The following SPATA13 variants were observed in gnomAD, a reference collection of about 807,000 sequenced individuals.
SPATA13 encodes spermatogenesis-associated protein 13.
A neutral mutation model predicts 104.0 loss-of-function variants in SPATA13; 50 were observed. The observed-to-expected ratio is 0.48, with a 90% CI of 0.38 to 0.61. The LOEUF is 0.61. Ranked by LOEUF, SPATA13 falls within the 20% of genes least tolerant of loss-of-function variation. The pLI, the probability that SPATA13 is intolerant of heterozygous loss-of-function variation, is 0.00. For missense variants in SPATA13, 1,524 were observed against 1,690.6 expected, an observed-to-expected ratio of 0.90 and a Z score of 1.73; for synonymous variants, 606 against 667.5, an observed-to-expected ratio of 0.91 and a Z score of 1.42.
At chr13:24,097,056 C>T (rs1220092366) in intron 3 of SPATA13, among the ~76,000 whole-genome samples, 2 of 152,178 alleles carry the variant, frequency 1.3e-5, no homozygotes, top group Non-Finnish European at 2.9e-5. Context: ...GGAGAAACAG[C>T]GTTGGCCCCG....
chr13:24,303,423 T>TACACA lies in SPATA13; in HGVS notation c.*650_*651insACACA. 4.9e-6 allele frequency: 1 copy of TACACA among 203,584 alleles called. No homozygotes were observed. Among genetic ancestry groups the TACACA allele is most frequent in the Admixed American group, 5.8e-5 (1 of 17,162 alleles). The allele number at this position is 203,584 out of a possible 1,614,324, so 12.6% of individuals were successfully genotyped here. A position where few individuals can be genotyped will look rare whatever the true frequency, so the allele number is the denominator to read the frequency against. On this transcript the variant is annotated 3_prime_UTR_variant, in exon 13 of 13. Transcript: ENST00000382108. Reference sequence around the variant, plus strand: ...AAAGTGGAGAGAAAGAAGATGCATCTGTCACCTTCATCAGGGTCCTCAGTG... The same window carrying TACACA: ...AAAGTGGAGAGAAAGAAGATGCATCTACACAGTCACCTTCATCAGGGTCCTCAGTG...
chr13:24,272,600 C>T (rs1010592795), intron 4 of SPATA13: 1 of 152,198 alleles, frequency 6.6e-6, no homozygotes, highest in Non-Finnish European at 1.5e-5. Flanking sequence ...CAGGAGGACG[C>T]CATGTCAGGG....
chr13:24,129,569 C>G (rs1881330848), intron 3 of SPATA13, among the ~76,000 whole-genome samples: 1 of 152,290 alleles, frequency 6.6e-6, no homozygotes, highest in Non-Finnish European at 1.5e-5. Flanking sequence ...TTGGCTGAAT[C>G]ACCTGGCTGG....
At chr13:24,294,157 A>T (rs773072298) in intron 9 of SPATA13, among the ~76,000 whole-genome samples, 6 of 152,116 alleles carry the variant, frequency 3.9e-5, no homozygotes, top group Non-Finnish European at 8.8e-5. Flanking sequence ...TCCTGGGGAG[A>T]ACATTTTAGC....
At chr13:24,185,724 GT>G (rs34688488) in intron 1 of SPATA13, among the ~76,000 whole-genome samples, 49 of 148,564 alleles carry the variant, frequency 3.3e-4, no homozygotes, top group East Asian at 9.9e-4. Context: ...AATAGATGCA[GT>G]TTTTTTTTTT....
intron 3 of SPATA13, among the ~76,000 whole-genome samples, chr13:24,100,333 A>G (rs1312815564): frequency 2.0e-5 from 3 of 152,170 alleles, no homozygotes; most frequent in Non-Finnish European, 4.4e-5. Context: ...CTAGAGGAGG[A>G]GGAAATACTT....
At chr13:24,186,643 A>G (rs984383572) in intron 1 of SPATA13, among the ~76,000 whole-genome samples, 7 of 152,186 alleles carry the variant, frequency 4.6e-5, no homozygotes, top group African/African-American at 1.7e-4. Flanking sequence ...GAGTTTCTTA[A>G]CCTTCAGTGT....
At chr13:24,278,380 G>C (rs542452837) in intron 4 of SPATA13, among the ~76,000 whole-genome samples, 1 of 152,216 alleles carries the variant, frequency 6.6e-6, no homozygotes, top group Non-Finnish European at 1.5e-5. Flanking sequence ...CATCTCCACA[G>C]CTTAAATCAG....
chr13:24,293,233 A>G (rs555523891), intron 9 of SPATA13, among the ~76,000 whole-genome samples: 7 of 151,764 alleles, frequency 4.6e-5, no homozygotes, highest in African/African-American at 1.7e-4. Context: ...TTCAGTGGAA[A>G]AAAAAAAACA....
Position 24,306,860 on chromosome 13 carries a change from G to A in SPATA13, c.*4087G>A, listed in dbSNP as rs1478356563. On this transcript the variant is annotated 3_prime_UTR_variant, in exon 13 of 13. Transcript: ENST00000382108. The stretch of plus-strand genomic sequence containing the variant: ...TAGCTCATTAACTTCAAGATGATGT[G>A]TCATCTGTATAGGTCAAAGAATGGG... 1.3e-5 allele frequency: 2 copies of A among 152,168 alleles called. No individual in the cohort carries two copies. Among genetic ancestry groups the A allele is most frequent in the South Asian group, 4.1e-4 (2 of 4,830 alleles). The allele number at this position is 152,168 out of a possible 1,614,324, so 9.4% of individuals were successfully genotyped here.
intron 11 of SPATA13, 73 bp downstream of exon 11, chr13:24,297,808 G>T: frequency 6.6e-7 from 1 of 1,509,916 alleles, no homozygotes; most frequent in Non-Finnish European, 8.9e-7. Context: ...ACTCCCATGG[G>T]CCTGCTCTGC....
intron 2 of SPATA13, among the ~76,000 whole-genome samples, chr13:23,984,175 T>C (rs1875041277): frequency 6.6e-6 from 1 of 152,230 alleles, no homozygotes; most frequent in Admixed American, 6.5e-5. Context: ...GTGGTCAGTA[T>C]CTTGCCCTTG....
intron 4 of SPATA13, among the ~76,000 whole-genome samples, chr13:24,275,170 G>A (rs972554401): frequency 2.0e-5 from 3 of 152,100 alleles, no homozygotes; most frequent in African/African-American, 7.2e-5. Context: ...AAGTGGCCAG[G>A]GCTGAAAATG....
At chr13:24,045,798 G>T (rs938038539) in intron 3 of SPATA13, among the ~76,000 whole-genome samples, 1 of 152,196 alleles carries the variant, frequency 6.6e-6, no homozygotes, top group African/African-American at 2.4e-5. Flanking sequence ...CCAACTGCAG[G>T]CTCTCGGCCT....
chr13:24,294,428 T>A (rs1397179545), intron 9 of SPATA13, among the ~76,000 whole-genome samples: 1 of 152,264 alleles, frequency 6.6e-6, no homozygotes, highest in East Asian at 1.9e-4. Context: ...TTAATGAAAG[T>A]CACCCATTGT....
At chr13:24,261,514 A>T (rs1874062379) in intron 4 of SPATA13, among the ~76,000 whole-genome samples, 1 of 152,170 alleles carries the variant, frequency 6.6e-6, no homozygotes, top group Non-Finnish European at 1.5e-5. Flanking sequence ...AAACTCTAGG[A>T]AGGAGTGTGA....
rs949035304 is a variant in SPATA13 at position 24,305,369 on chromosome 13, T to C, written c.*2596T>C. On this transcript the variant is annotated 3_prime_UTR_variant, in exon 13 of 13. Transcript: ENST00000382108. ...GGGTCACTCCATTAAAGATCTCTCC[T>C]GGGTGGATCCTACTTGGATGTTCAG... 2 of 152,354 alleles carry C rather than the reference T, an allele frequency of 1.3e-5. No homozygotes were observed. The highest frequency in any genetic ancestry group is 6.5e-5 in the Admixed American group (1 of 15,296). The allele number at this position is 152,354 out of a possible 1,614,324, so 9.4% of individuals were successfully genotyped here.
At chr13:24,228,200 A>G (rs1263396254) in intron 2 of SPATA13, among the ~76,000 whole-genome samples, 2 of 130,272 alleles carry the variant, frequency 1.5e-5, no homozygotes, top group East Asian at 2.2e-4. Context: ...TGCAAGCTCC[A>G]CCTCCCGGGT....
chr13:24,074,825 C>T (rs143916712), intron 3 of SPATA13, among the ~76,000 whole-genome samples: 2,649 of 152,220 alleles, frequency 0.017, 37 homozygotes, highest in South Asian at 0.026. Flanking sequence ...CATGCTGCCA[C>T]GTGGTCAGAG....
Sources: allele counts gnomAD v4.1 joint callset (sites outside exome capture counted in the v4.1 genomes callset), GRCh38; gene constraint gnomAD v4.1.1; transcripts MANE v1.5; gene names NCBI Gene and HGNC (gene_info 2026-07-23, HGNC 2026-07-21).